The following ATP8B4 variants were observed in gnomAD, a reference collection of about 807,000 sequenced individuals.
The protein encoded by ATP8B4 is probable phospholipid-transporting ATPase IM.
A neutral mutation model predicts 145.6 loss-of-function variants in ATP8B4; 133 were observed. The ratio of observed to expected loss-of-function variants is 0.91; its 90% CI spans 0.79 to 1.05. The LOEUF is 1.05. Ranked by LOEUF, ATP8B4 falls within the 50% of genes least tolerant of loss-of-function variation. The pLI is 0.00. For missense variants in ATP8B4, 1,458 were observed against 1,425.2 expected (o/e 1.02, Z -0.37); for synonymous variants, 507 against 492.9 (o/e 1.03, Z -0.38).
chr15:50,136,489 T>C (rs2044122547), intron 1 of ATP8B4, among the ~76,000 whole-genome samples: 1 of 152,236 alleles, frequency 6.6e-6, no homozygotes, highest in Non-Finnish European at 1.5e-5. Flanking sequence ...GTGGCTTAAA[T>C]GTTGGGTTGT....
At chr15:49,973,213 G>T (rs1056026990) in intron 12 of ATP8B4, among the ~76,000 whole-genome samples, 1 of 152,138 alleles carries the variant, frequency 6.6e-6, no homozygotes, top group Non-Finnish European at 1.5e-5. Context: ...GATGATTCAA[G>T]CACATTACAA....
In ATP8B4 at chr15:49,979,577, T is replaced by C. The variant is rs767436555; in HGVS notation, c.1034+40A>G. ...CAAATAATATTGGAAACAAAGGTTTTGATGAAATTATTTCATTAAAATATA... is the reference window on the plus strand; with the variant it reads ...CAAATAATATTGGAAACAAAGGTTTCGATGAAATTATTTCATTAAAATATA... On this transcript the variant is annotated intron_variant, in intron 12 of 27. Transcript: ENST00000284509. The C allele has an allele frequency of 1.5e-5, 20 of 1,362,182 alleles. No homozygotes were observed. The African/African-American group carries it at 2.9e-4, about 20-fold the overall frequency. The allele number at this position is 1,362,182 out of a possible 1,614,324, so 84.4% of individuals were successfully genotyped here.
At chr15:50,069,149 C>T (rs2053567860) in intron 3 of ATP8B4, among the ~76,000 whole-genome samples, 2 of 152,184 alleles carry the variant, frequency 1.3e-5, no homozygotes, top group Non-Finnish European at 2.9e-5. Context: ...CTCACTTTCC[C>T]TCCACTCTTC....
intron 6 of ATP8B4, among the ~76,000 whole-genome samples, chr15:50,020,103 C>T (rs904886309): frequency 2.6e-5 from 4 of 151,988 alleles, no homozygotes; most frequent in African/African-American, 9.7e-5. Flanking sequence ...TGCAGGTGCA[C>T]ACCACCATGC....
intron 6 of ATP8B4, among the ~76,000 whole-genome samples, chr15:50,015,238 T>C (rs1431544240): frequency 2.0e-5 from 3 of 152,178 alleles, no homozygotes; most frequent in Admixed American, 1.3e-4. Context: ...TGGTTGACAA[T>C]AGAGAAAGAA....
At chr15:50,122,242 C>G (rs2057277328), upstream of ATP8B4, among the ~76,000 whole-genome samples, 1 of 152,102 alleles carries the variant, frequency 6.6e-6, no homozygotes, top group East Asian at 1.9e-4. Flanking sequence ...ATTGATCTAA[C>G]ATATTTTCAT....
intron 1 of ATP8B4, among the ~76,000 whole-genome samples, chr15:50,180,804 C>G (rs2044834908): frequency 6.6e-6 from 1 of 151,902 alleles, no homozygotes; most frequent in South Asian, 2.1e-4. Flanking sequence ...ATGAAAAAGT[C>G]AGGAAAAGGG....
chr15:49,946,862 G>C (rs1326202744), intron 14 of ATP8B4, among the ~76,000 whole-genome samples: 2 of 152,190 alleles, frequency 1.3e-5, no homozygotes, highest in Non-Finnish European at 2.9e-5. Flanking sequence ...ACAATGGTCA[G>C]CCAGGCATAA....
intron 1 of ATP8B4, among the ~76,000 whole-genome samples, chr15:50,118,232 C>T (rs2057211105): frequency 2.0e-5 from 3 of 151,988 alleles, no homozygotes; most frequent in African/African-American, 7.3e-5. Context: ...GTTCCCAACA[C>T]AAAGAAATGG....
At chr15:50,009,898 G>C (rs1182775422) in intron 7 of ATP8B4, among the ~76,000 whole-genome samples, 1 of 152,148 alleles carries the variant, frequency 6.6e-6, no homozygotes, top group African/African-American at 2.4e-5. Flanking sequence ...TCTACTGAAA[G>C]TGTGAACTCT....
chr15:49,921,744 G>A (rs1304456426), intron 17 of ATP8B4, among the ~76,000 whole-genome samples: 1 of 152,204 alleles, frequency 6.6e-6, no homozygotes, highest in African/African-American at 2.4e-5. Context: ...ACTGCAATGA[G>A]ATGGTTTACC....
At chr15:50,111,582 G>T (rs182370524) in intron 1 of ATP8B4, among the ~76,000 whole-genome samples, 1 of 152,272 alleles carries the variant, frequency 6.6e-6, no homozygotes, top group African/African-American at 2.4e-5. Flanking sequence ...GCTGTTCGGG[G>T]GGATGGGGAA....
intron 2 of ATP8B4, among the ~76,000 whole-genome samples, chr15:50,075,036 C>T (rs2153636588): frequency 6.6e-6 from 1 of 152,292 alleles, no homozygotes; most frequent in East Asian, 1.9e-4. Flanking sequence ...TGACTTGACC[C>T]TCTCACCATT....
intron 1 of ATP8B4, among the ~76,000 whole-genome samples, chr15:50,153,625 C>T (rs2153681044): frequency 7.4e-6 from 1 of 135,878 alleles, no homozygotes; most frequent in African/African-American, 2.8e-5. Context: ...GCATGAGCCA[C>T]TGCGCCCAGC....
chr15:49,929,597 T>C (rs1009829588), intron 16 of ATP8B4, among the ~76,000 whole-genome samples: 8 of 152,030 alleles, frequency 5.3e-5, no homozygotes, highest in African/African-American at 1.7e-4. Context: ...TACCACCATG[T>C]ATGTGGTCAA....
intron 9 of ATP8B4, among the ~76,000 whole-genome samples, chr15:49,990,464 T>C (rs7166047): frequency 0.2 from 30,325 of 152,028 alleles, 3,423 homozygotes; most frequent in East Asian, 0.34. Flanking sequence ...AACTAGCTGG[T>C]CATATCTGTT....
At chr15:50,172,793 C>T (rs181673018) in intron 1 of ATP8B4, among the ~76,000 whole-genome samples, 2,975 of 151,600 alleles carry the variant, frequency 0.02, 105 homozygotes, top group African/African-American at 0.069. Context: ...TGCCCGGCCG[C>T]GACCCTGTCT....
chr15:50,027,251 T>C (rs1375198849), intron 6 of ATP8B4, among the ~76,000 whole-genome samples: 1 of 152,206 alleles, frequency 6.6e-6, no homozygotes, highest in Non-Finnish European at 1.5e-5. Flanking sequence ...TCTGTTTATT[T>C]GTCCATCTCT....
chr15:50,017,572 T>A (rs2049187109), intron 6 of ATP8B4, among the ~76,000 whole-genome samples: 1 of 152,216 alleles, frequency 6.6e-6, no homozygotes, highest in African/African-American at 2.4e-5. Flanking sequence ...AAAAGGCCTA[T>A]GTTATATTTT....
Sources: gnomAD v4.1 joint callset for allele counts (sites outside exome capture counted in the v4.1 genomes callset) on GRCh38, gnomAD v4.1.1 for gene constraint, MANE v1.5 for transcripts, NCBI Gene and HGNC (gene_info 2026-07-23, HGNC 2026-07-21) for gene names.